The following CAST variants were observed in gnomAD, a reference collection of about 807,000 sequenced individuals.
CAST encodes the protein calpastatin, also known as MIR583 host.
CAST carries 76 observed loss-of-function variants against 119.6 expected under a neutral mutation model. That is an observed-to-expected ratio of 0.64 (90% CI 0.53 to 0.77). CAST has a LOEUF of 0.77. Ranked by LOEUF, CAST falls within the 30% of genes least tolerant of loss-of-function variation. The pLI is 0.00. For synonymous variants in CAST, 319 were observed against 331.6 expected (o/e 0.96, Z 0.41); for missense variants, 953 against 946.5 (o/e 1.01, Z -0.09).
intron 1 of CAST, among the ~76,000 whole-genome samples, chr5:96,674,512 A>C (rs554985392): frequency 1.3e-5 from 2 of 152,234 alleles, no homozygotes; most frequent in South Asian, 4.1e-4. Flanking sequence ...GAACATCCAC[A>C]GTGTGACAGA....
chr5:96,146,416 C>T, the CAST span, among the ~76,000 whole-genome samples: 1 of 152,204 alleles, frequency 6.6e-6, no homozygotes, highest in Non-Finnish European at 1.5e-5. Context: ...ATTGCTAGGA[C>T]CCACTGCCAG....
chr5:96,198,172 A>T, the CAST span, among the ~76,000 whole-genome samples: 1 of 152,246 alleles, frequency 6.6e-6, no homozygotes, highest in South Asian at 2.1e-4. Context: ...TGGGCTGATG[A>T]GAGACTGGTC....
chr5:96,501,798 C>T, the CAST span, among the ~76,000 whole-genome samples: 221 of 152,316 alleles, frequency 1.5e-3, 1 homozygote, highest in Middle Eastern at 0.024. Context: ...ACATATACAA[C>T]GGTGATCCCA....
At chr5:96,290,621 G>A in the CAST span, among the ~76,000 whole-genome samples, 1 of 152,186 alleles carries the variant, frequency 6.6e-6, no homozygotes, top group South Asian at 2.1e-4. Flanking sequence ...TGCATTCAGA[G>A]TGAAGCTCAA....
chr5:96,219,679 AGAAG>A, the CAST span, among the ~76,000 whole-genome samples: 1 of 152,084 alleles, frequency 6.6e-6, no homozygotes, highest in Admixed American at 6.5e-5. Context: ...TCAAATAAAA[AGAAG>A]GAAGGAAGGG....
chr5:96,422,699 G>A, the CAST span, among the ~76,000 whole-genome samples: 2 of 152,152 alleles, frequency 1.3e-5, no homozygotes, highest in East Asian at 3.8e-4. Flanking sequence ...AAAAACAAGG[G>A]ATAATCTGAA....
intron 2 of CAST, among the ~76,000 whole-genome samples, chr5:96,680,365 AAAAAAAAAAAAAAAGAAG>A (rs1751234211): frequency 1.5e-5 from 2 of 136,076 alleles, no homozygotes; most frequent in South Asian, 2.3e-4. Flanking sequence ...AAAAAAAAAA[AAAAAAAAAAAAAAAGAAG>A]AAGAAGAAAA....
At chr5:96,218,192 T>A in the CAST span, among the ~76,000 whole-genome samples, 3 of 152,222 alleles carry the variant, frequency 2.0e-5, no homozygotes, top group South Asian at 2.1e-4. Flanking sequence ...ACACTGACCA[T>A]GTTTTCCTAT....
At chr5:96,758,954 C>G (rs1767004315) in intron 24 of CAST, among the ~76,000 whole-genome samples, 1 of 152,144 alleles carries the variant, frequency 6.6e-6, no homozygotes. Flanking sequence ...AATTCCCTTC[C>G]TCCTCCTATC....
In CAST at chr5:96,767,916, G is replaced by A. The variant is rs748910229; in HGVS notation, c.2185G>A (p.Asp729Asn). ...TCTACTCATATCTCAGAAACCTGCA[G>A]ATGACCAAGACCCCATTGATGCTCT... is the stretch of plus-strand genomic sequence containing the variant. ...KKSEDSKKPA[D>N]DQDPIDALSG... The change falls in exon 29 of 32, where the codon GAT becomes AAT. Residue 729 changes from aspartate to asparagine, a missense_variant. Coordinates refer to ENST00000675179, the MANE Select transcript of CAST (RefSeq NM_001750.7). The A allele has an allele frequency of 1.2e-4, 200 of 1,612,280 alleles. No individual in the cohort carries two copies. Among genetic ancestry groups the A allele is most frequent in the Non-Finnish European group, 1.6e-4 (185 of 1,178,596 alleles).
At chr5:96,018,677 G>A in the CAST span, among the ~76,000 whole-genome samples, 15 of 152,090 alleles carry the variant, frequency 9.9e-5, no homozygotes, top group African/African-American at 3.6e-4. Flanking sequence ...AGTAGAGAAT[G>A]GAACTCTCTA....
At chr5:96,611,228 C>A (rs893772976) in intron 1 of CAST, among the ~76,000 whole-genome samples, 1 of 151,930 alleles carries the variant, frequency 6.6e-6, no homozygotes, top group Non-Finnish European at 1.5e-5. Flanking sequence ...CTACAGTAAC[C>A]AAAACAGCAT....
intron 2 of CAST, among the ~76,000 whole-genome samples, chr5:96,688,874 C>T (rs548773320): frequency 6.6e-6 from 1 of 152,186 alleles, no homozygotes; most frequent in Non-Finnish European, 1.5e-5. Flanking sequence ...ATGCATGTAT[C>T]TGCTTAGACC....
rs147077027 is a variant in CAST, at chr5:96,701,464, T to C, written c.210+5557T>C. ...TATTTTTAAAAAGGAATGACAATAC[T>C]AATGATCAACAACAACAACAAAAAG... On this transcript the variant is annotated intron_variant, in intron 3 of 31. Transcript: ENST00000675179. Among the ~76,000 whole-genome samples, 629 of 152,280 alleles carry C rather than the reference T, an allele frequency of 4.1e-3. 2 individuals carry two copies. The highest frequency in any genetic ancestry group is 6.9e-3 in the Non-Finnish European group (472 of 68,030).
the CAST span, among the ~76,000 whole-genome samples, chr5:96,041,687 T>A: frequency 6.6e-6 from 1 of 152,002 alleles, no homozygotes; most frequent in Non-Finnish European, 1.5e-5. Context: ...TATGGCCTAA[T>A]TTTTTTCTAA....
the CAST span, among the ~76,000 whole-genome samples, chr5:96,108,758 G>T: frequency 2.6e-4 from 40 of 152,326 alleles, no homozygotes; most frequent in African/African-American, 8.7e-4. Context: ...CCACCCAGTT[G>T]GAGCTTGCCG....
the CAST span, chr5:96,411,068 A>G: frequency 4.1e-6 from 4 of 983,470 alleles, no homozygotes; most frequent in Non-Finnish European, 6.6e-6. Context: ...CCCAACGACT[A>G]CATGTGTGAA....
chr5:96,307,393 G>A, the CAST span, among the ~76,000 whole-genome samples: 1 of 152,156 alleles, frequency 6.6e-6, no homozygotes, highest in African/African-American at 2.4e-5. Context: ...GATGGGTCTT[G>A]ACTCTTCAAC....
At chr5:96,167,460 G>C in the CAST span, among the ~76,000 whole-genome samples, 188 of 152,334 alleles carry the variant, frequency 1.2e-3, no homozygotes, top group Middle Eastern at 6.8e-3. Context: ...CCATGCAGGA[G>C]CTCAAATGGG....
Sources: gnomAD v4.1 joint callset for allele counts (sites outside exome capture counted in the v4.1 genomes callset) on GRCh38, gnomAD v4.1.1 for gene constraint, MANE v1.5 for transcripts, NCBI Gene and HGNC (gene_info 2026-07-23, HGNC 2026-07-21) for gene names.